Variants in ANXA1 observed in about 807,000 individuals in gnomAD.
ANXA1 encodes annexin A1.
A neutral mutation model predicts 47.9 loss-of-function variants in ANXA1; 39 were observed. The observed-to-expected ratio is 0.81, with a 90% CI of 0.63 to 1.06. The LOEUF (loss-of-function observed/expected upper bound fraction) is 1.06. Among genes scored for constraint, ANXA1 ranks in the 50% least tolerant of loss-of-function variants. ANXA1 has a pLI of 0.00. For synonymous variants in ANXA1, 146 were observed against 142.5 expected (o/e 1.02, Z -0.17); for missense variants, 446 against 422.7 (o/e 1.06, Z -0.48).
At chr9:73,162,329 A>G (rs756264078) in intron 6 of ANXA1, among the ~76,000 whole-genome samples, 2 of 152,244 alleles carry the variant, frequency 1.3e-5, no homozygotes, top group Non-Finnish European at 2.9e-5. Flanking sequence ...GTGTTTACAC[A>G]CACATAAATC....
At position 73,165,546 on chromosome 9, in the gene ANXA1, C is replaced by A. The variant is rs1167894164; in HGVS notation, c.706+337C>A. 287 of 156,612 alleles carry A rather than the reference C, an allele frequency of 1.8e-3. 1 individual carries two copies. Among genetic ancestry groups the A allele is most frequent in the African/African-American group, 5.1e-3 (190 of 37,446 alleles). The allele number at this position is 156,612 out of a possible 1,614,324, so 9.7% of individuals were successfully genotyped here. A position where few individuals can be genotyped will look rare whatever the true frequency, so the allele number is the denominator to read the frequency against. On this transcript the variant is annotated intron_variant, in intron 9 of 12. Coordinates refer to ENST00000257497, the MANE Select transcript of ANXA1 (RefSeq NM_000700.3). The stretch of plus-strand genomic sequence containing the variant: ...ATGAAGAAAAACAAAAAAAAAAAAA[C>A]AAAAAACCCTCAGAGCTAAATGAAG...
At chr9:73,167,623 C>T in intron 11 of ANXA1, 68 bp downstream of exon 11, 1 of 1,410,298 alleles carries the variant, frequency 7.1e-7, no homozygotes, top group Non-Finnish European at 9.8e-7. Flanking sequence ...CAGAAAACCT[C>T]ATGTTGTTTG....
intron 11 of ANXA1, chr9:73,168,058 T>C (rs1262069630): frequency 6.5e-6 from 1 of 153,392 alleles, no homozygotes; most frequent in East Asian, 1.9e-4. Context: ...ACATGCATGG[T>C]ATTATACAAG....
chr9:73,152,589 A>G (rs1432262797), intron 1 of ANXA1, among the ~76,000 whole-genome samples: 1 of 152,168 alleles, frequency 6.6e-6, no homozygotes, highest in Non-Finnish European at 1.5e-5. Context: ...TGTCATATAC[A>G]GTCTTTTCAA....
Position 73,166,169 on chromosome 9 carries a change from T to A in ANXA1, c.779T>A (p.Ile260Asn). ...KVLDLELKGD[I>N]EKCLTAIVKC... ...CTGGACCTGGAGTTGAAAGGTGACA[T>A]TGAGAAATGCCTCACAGCTATCGGT... Residue 260 changes from isoleucine to asparagine, a missense_variant, in exon 10 of 13, where the codon ATT becomes AAT. Ile to Asn is a moderately radical substitution (Grantham distance 149). Coordinates refer to ENST00000257497, the MANE Select transcript of ANXA1 (RefSeq NM_000700.3). The A allele has an allele frequency of 6.2e-7, 1 of 1,612,194 alleles. No individual in the cohort carries two copies. Among genetic ancestry groups the A allele is most frequent in the Non-Finnish European group, 8.5e-7 (1 of 1,178,860 alleles).
Position 73,165,112 on chromosome 9 carries a change from A to G in ANXA1, c.613-4A>G. The G allele has an allele frequency of 1.9e-6, 3 of 1,611,276 alleles. No homozygotes were observed. Among genetic ancestry groups the G allele is most frequent in the East Asian group, 2.2e-5 (1 of 44,746 alleles). On this transcript the variant is annotated splice_polypyrimidine_tract_variant and splice_region_variant and intron_variant, in intron 8 of 12. Transcript: ENST00000257497. ...GAAGTGTTTACTTTTGTGTTTCTTG[A>G]CAGGCCTTGTATGAAGCAGGAGAAA...
At chr9:73,168,911 G>GTGTGTGTGTGTA in intron 11 of ANXA1, 121 bp from the exon 12 acceptor site, 5 of 754,046 alleles carry the variant, frequency 6.6e-6, no homozygotes, top group Non-Finnish European at 1.1e-5. Flanking sequence ...GTGTGTGTGT[G>GTGTGTGTGTGTA]TATAGCTAGT....
chr9:73,160,563 C>A (rs996888094), intron 5 of ANXA1, among the ~76,000 whole-genome samples, 187 bp downstream of exon 5: 2 of 152,080 alleles, frequency 1.3e-5, no homozygotes, highest in Non-Finnish European at 2.9e-5. Flanking sequence ...GGCACTAACA[C>A]CTTCCATGTC....
intron 6 of ANXA1, among the ~76,000 whole-genome samples, 178 bp from the exon 7 acceptor site, chr9:73,162,604 A>G (rs1213163985): frequency 6.6e-6 from 1 of 152,142 alleles, no homozygotes; most frequent in Non-Finnish European, 1.5e-5. Flanking sequence ...CAATGATCCA[A>G]AAATTTACCT....
intron 1 of ANXA1, chr9:73,157,505 T>G (rs1824066459): frequency 1.3e-5 from 2 of 151,684 alleles, no homozygotes; most frequent in South Asian, 4.2e-4. Context: ...AATACAAAAA[T>G]TAGCCGGGCG....
intron 1 of ANXA1, chr9:73,157,740 G>T (rs1003629080): frequency 2.7e-5 from 4 of 150,234 alleles, no homozygotes; most frequent in Non-Finnish European, 5.9e-5. Context: ...CCACATAGAT[G>T]GTCTAATGGT....
chr9:73,159,648 G>T, intron 4 of ANXA1: 1 of 339,056 alleles, frequency 2.9e-6, no homozygotes, highest in Non-Finnish European at 5.4e-6. Flanking sequence ...TTGCAGATGT[G>T]GTGCTCTGGG....
At chr9:73,158,924 T>A in intron 3 of ANXA1, 121 bp downstream of exon 3, 1 of 844,978 alleles carries the variant, frequency 1.2e-6, no homozygotes, top group Non-Finnish European at 1.8e-6. Flanking sequence ...TAAAAACATT[T>A]CTTTGCCAAA....
At chr9:73,164,805 C>A (rs1824199083) in intron 8 of ANXA1, among the ~76,000 whole-genome samples, 2 of 152,058 alleles carry the variant, frequency 1.3e-5, no homozygotes, top group South Asian at 4.1e-4. Context: ...AGTAAAAAAT[C>A]TTTAGAGATC....
At chr9:73,162,431 AATT>A (rs2118157530) in intron 6 of ANXA1, among the ~76,000 whole-genome samples, 1 of 152,330 alleles carries the variant, frequency 6.6e-6, no homozygotes, top group African/African-American at 2.4e-5. Context: ...TCTTTTAAAC[AATT>A]ATTTTATTCA....
Position 73,160,422 on chromosome 9 carries a change from T to C in ANXA1, c.384+46T>C, listed in dbSNP as rs187516595. ...AAACTCCTTTCCTCAAGAGGATGTA[T>C]TGGGCAAGTCACTTATGCTTATGTT... On this transcript the variant is annotated intron_variant, in intron 5 of 12. Coordinates refer to ENST00000257497, the MANE Select transcript of ANXA1 (RefSeq NM_000700.3). 191 of 1,338,354 alleles carry C rather than the reference T, an allele frequency of 1.4e-4. 1 individual carries two copies. The African/African-American group carries it at 2.6e-3, about 19-fold the overall frequency. The allele number at this position is 1,338,354 out of a possible 1,614,324, so 82.9% of individuals were successfully genotyped here. A position where few individuals can be genotyped will look rare whatever the true frequency, so the allele number is the denominator to read the frequency against.
intron 7 of ANXA1, 140 bp from the exon 8 acceptor site, chr9:73,163,336 T>G: frequency 1.3e-6 from 1 of 762,984 alleles, no homozygotes; most frequent in Non-Finnish European, 2.0e-6. Context: ...AGTAAAATCT[T>G]GTATCTGAGC....
At chr9:73,161,973 C>T (rs1472030953) in intron 6 of ANXA1, among the ~76,000 whole-genome samples, 2 of 152,114 alleles carry the variant, frequency 1.3e-5, no homozygotes, top group Non-Finnish European at 2.9e-5. Context: ...AGTATGGGAC[C>T]AGCGTCTGCT....
intron 8 of ANXA1, 87 bp downstream of exon 8, chr9:73,163,619 A>G: frequency 7.2e-7 from 1 of 1,394,572 alleles, no homozygotes; most frequent in Non-Finnish European, 1.0e-6. Context: ...AAGCAAATCT[A>G]AGATCTTCTG....
Sources: allele counts gnomAD v4.1 joint callset (sites outside exome capture counted in the v4.1 genomes callset), GRCh38; gene constraint gnomAD v4.1.1; transcripts MANE v1.5; gene names NCBI Gene and HGNC (gene_info 2026-07-23, HGNC 2026-07-21).